Variants in KCNH1 observed in about 807,000 individuals in gnomAD.
KCNH1 encodes the protein potassium voltage-gated channel subfamily H member 1, also known as voltage-gated delayed rectifier potassium channel KCNH1.
A neutral mutation model predicts 69.2 loss-of-function variants in KCNH1; 27 were observed. The observed-to-expected ratio is 0.39, with a 90% CI of 0.29 to 0.54. The LOEUF (loss-of-function observed/expected upper bound fraction) is 0.54, where lower values mean the gene tolerates loss of function less well. KCNH1 is among the 20% of genes least tolerant of loss of function. The probability of loss-of-function intolerance (pLI) is 0.68; values close to 1 mark genes in which losing one functional copy is unlikely to be tolerated. For synonymous variants in KCNH1, 456 were observed against 487.7 expected, an observed-to-expected ratio of 0.93 and a Z score of 0.86; for missense variants, 798 against 1,261.6, an observed-to-expected ratio of 0.63 and a Z score of 5.57.
chr1:210,968,929 C>G (rs1307161951), intron 6 of KCNH1, among the ~76,000 whole-genome samples: 19 of 152,066 alleles, frequency 1.2e-4, no homozygotes, highest in Admixed American at 1.2e-3. Flanking sequence ...AGTAGATATT[C>G]CTTATCAAAT....
chr1:210,944,955 T>A (rs1042134018), intron 6 of KCNH1, among the ~76,000 whole-genome samples: 1 of 152,194 alleles, frequency 6.6e-6, no homozygotes, highest in African/African-American at 2.4e-5. Context: ...TCCAATCTAC[T>A]TTCTGTCTCT....
chr1:210,943,081 GA>G (rs1368867199), intron 6 of KCNH1, among the ~76,000 whole-genome samples: 3 of 152,020 alleles, frequency 2.0e-5, no homozygotes, highest in African/African-American at 7.2e-5. Context: ...CTATCCTATG[GA>G]AAAAAATGCT....
chr1:210,980,460 A>ACT (rs1407941234), intron 6 of KCNH1, among the ~76,000 whole-genome samples: 1 of 152,206 alleles, frequency 6.6e-6, no homozygotes, highest in Non-Finnish European at 1.5e-5. Flanking sequence ...CCTCCAATGC[A>ACT]CTAACAGGAA....
intron 7 of KCNH1, among the ~76,000 whole-genome samples, chr1:210,817,772 C>T (rs1363298194): frequency 6.6e-6 from 1 of 152,180 alleles, no homozygotes. Context: ...AGTTAGTAAG[C>T]ATACATAGAG....
At chr1:210,867,811 T>A (rs1686147913) in intron 7 of KCNH1, among the ~76,000 whole-genome samples, 1 of 152,050 alleles carries the variant, frequency 6.6e-6, no homozygotes, top group South Asian at 2.1e-4. Flanking sequence ...TAACTCAGGA[T>A]AATATATTTG....
At chr1:210,751,989 T>G (rs551456455) in intron 10 of KCNH1, among the ~76,000 whole-genome samples, 2 of 152,130 alleles carry the variant, frequency 1.3e-5, no homozygotes, top group South Asian at 4.2e-4. Flanking sequence ...CTGAGCTGGA[T>G]TTTGAAGGCC....
chr1:210,744,504 C>T (rs1473556238), intron 10 of KCNH1, among the ~76,000 whole-genome samples: 1 of 152,114 alleles, frequency 6.6e-6, no homozygotes, highest in Non-Finnish European at 1.5e-5. Flanking sequence ...ATTAGCCAGG[C>T]ATGGTGGTGT....
intron 6 of KCNH1, among the ~76,000 whole-genome samples, chr1:210,993,624 A>G (rs1688972585): frequency 6.6e-6 from 1 of 152,240 alleles, no homozygotes; most frequent in Non-Finnish European, 1.5e-5. Flanking sequence ...AAAAGTTTTA[A>G]TACTCAAAAC....
At chr1:210,697,443 CTT>C (rs564233225) in intron 10 of KCNH1, among the ~76,000 whole-genome samples, 465 of 152,354 alleles carry the variant, frequency 3.1e-3, no homozygotes, top group African/African-American at 0.011. Flanking sequence ...GAGAGTTCAA[CTT>C]TTCCCTCAGG....
At chr1:210,867,783 G>T (rs1173944788) in intron 7 of KCNH1, among the ~76,000 whole-genome samples, 1 of 151,918 alleles carries the variant, frequency 6.6e-6, no homozygotes, top group East Asian at 1.9e-4. Flanking sequence ...TGTACTATTT[G>T]GGACCTGGAC....
chr1:211,014,806 T>A (rs1689462475), intron 6 of KCNH1, among the ~76,000 whole-genome samples: 1 of 152,012 alleles, frequency 6.6e-6, no homozygotes, highest in Non-Finnish European at 1.5e-5. Context: ...CTCTGCACAC[T>A]CCCCCAGAGA....
chr1:210,980,076 G>A (rs1174544722), intron 6 of KCNH1, among the ~76,000 whole-genome samples: 4 of 152,112 alleles, frequency 2.6e-5, no homozygotes, highest in Non-Finnish European at 4.4e-5. Flanking sequence ...GATTAAATAT[G>A]CTTTTTCCTT....
In KCNH1 at chr1:210,688,954, A is replaced by G. The variant is rs564767668; in HGVS notation, c.2113-4816T>C. 8.5e-5 allele frequency among the ~76,000 whole-genome samples: 13 copies of G among 152,308 alleles called. No individual in the cohort carries two copies. In the South Asian group the frequency reaches 2.5e-3, roughly 29 times the overall value. ...GTCCAGATCCTTCCTGGATCCAGCT[A>G]GAGTCCTGCCAGCCCACAGGGGCAT... On this transcript the variant is annotated intron_variant, in intron 10 of 10. Transcript: ENST00000271751.
intron 1 of KCNH1, among the ~76,000 whole-genome samples, chr1:211,131,309 T>C (rs185853571): frequency 3.3e-5 from 5 of 152,278 alleles, no homozygotes; most frequent in East Asian, 3.9e-4. Flanking sequence ...ATGATAAAAA[T>C]AGTTCCACAG....
intron 3 of KCNH1, among the ~76,000 whole-genome samples, chr1:211,091,589 C>T (rs999639266): frequency 6.6e-6 from 1 of 152,170 alleles, no homozygotes; most frequent in African/African-American, 2.4e-5. Flanking sequence ...ATACAAAGCT[C>T]TCCAGAAAAG....
At chr1:210,949,362 C>T (rs1360361500) in intron 6 of KCNH1, among the ~76,000 whole-genome samples, 1 of 152,204 alleles carries the variant, frequency 6.6e-6, no homozygotes, top group African/African-American at 2.4e-5. Context: ...GTCTTTAACC[C>T]TGTCAGCCCA....
At position 210,969,895 on chromosome 1, in the gene KCNH1, T is replaced by C. The variant is rs903590287; in HGVS notation, c.1032+48888A>G. 1.3e-5 allele frequency among the ~76,000 whole-genome samples: 2 copies of C among 152,108 alleles called. 1 individual carries two copies. Among genetic ancestry groups the C allele is most frequent in the East Asian group, 3.9e-4 (2 of 5,194 alleles). ...TCTTAGCCTCATCCCACAACTTTTT[T>C]TCATTTTGTTTTTGTTTTTGAGACA... On this transcript the variant is annotated intron_variant, in intron 6 of 10. Transcript: ENST00000271751.
chr1:210,905,324 T>C (rs953680389), intron 7 of KCNH1, among the ~76,000 whole-genome samples: 3 of 152,218 alleles, frequency 2.0e-5, no homozygotes, highest in Non-Finnish European at 4.4e-5. Flanking sequence ...GAGTAGCCCA[T>C]AGTAAGTGTC....
intron 6 of KCNH1, among the ~76,000 whole-genome samples, chr1:210,955,158 A>C (rs1688143651): frequency 1.3e-5 from 2 of 152,200 alleles, no homozygotes; most frequent in African/African-American, 4.8e-5. Flanking sequence ...TTAAACAGGG[A>C]ATCCTTTCCC....
Sources: gnomAD v4.1 joint callset for allele counts (sites outside exome capture counted in the v4.1 genomes callset) on GRCh38, gnomAD v4.1.1 for gene constraint, MANE v1.5 for transcripts, NCBI Gene and HGNC (gene_info 2026-07-23, HGNC 2026-07-21) for gene names.